Variants in CCDC32 observed in about 807,000 individuals in gnomAD.
CCDC32 encodes the protein coiled-coil domain-containing protein 32.
A neutral mutation model predicts 20.1 loss-of-function variants in CCDC32; 9 were observed. The observed-to-expected ratio is 0.45, with a 90% confidence interval of 0.27 to 0.78. The LOEUF is 0.78. Among genes scored for constraint, CCDC32 ranks in the 30% least tolerant of loss-of-function variants. CCDC32 has a pLI of 0.16. For synonymous variants in CCDC32, 63 were observed against 79.0 expected (o/e 0.80, Z 1.07); for missense variants, 204 against 215.5 (o/e 0.95, Z 0.33).
downstream of CCDC32, chr15:40,534,533 A>G (rs145153439): frequency 0.028 from 5,222 of 187,036 alleles, 300 homozygotes; most frequent in African/African-American, 0.12. Flanking sequence ...TTACTATCAC[A>G]AGAATAGCAT....
chr15:40,563,130 A>G, intron 1 of CCDC32, 103 bp from the exon 2 acceptor site: 1 of 1,367,904 alleles, frequency 7.3e-7, no homozygotes, highest in Non-Finnish European at 9.9e-7. Flanking sequence ...TGGGAAGCCG[A>G]GGCAGTCAGA....
At chr15:40,558,798 C>CT (rs1890422007) in intron 2 of CCDC32, among the ~76,000 whole-genome samples, 1 of 104,146 alleles carries the variant, frequency 9.6e-6, no homozygotes, top group Non-Finnish European at 2.1e-5. Context: ...TACACTTTTT[C>CT]TTTCTTTCTT....
intron 2 of CCDC32, among the ~76,000 whole-genome samples, chr15:40,559,704 A>G (rs899983499): frequency 1.3e-5 from 2 of 152,314 alleles, no homozygotes; most frequent in Non-Finnish European, 2.9e-5. Flanking sequence ...CTATCATGCA[A>G]GCTCTCTTCT....
intron 3 of CCDC32, among the ~76,000 whole-genome samples, chr15:40,542,345 T>C (rs971323775): frequency 6.6e-6 from 1 of 152,222 alleles, no homozygotes; most frequent in South Asian, 2.1e-4. Context: ...ACCGGGTCTC[T>C]CTTAAATCTC....
intron 3 of CCDC32, among the ~76,000 whole-genome samples, chr15:40,546,574 C>G (rs1889628433): frequency 6.6e-6 from 1 of 152,244 alleles, no homozygotes; most frequent in Middle Eastern, 3.4e-3. Context: ...CACCAGACCC[C>G]ATAGTAATTA....
chr15:40,528,345 A>AG (rs899899935), downstream of CCDC32, among the ~76,000 whole-genome samples: 1 of 152,218 alleles, frequency 6.6e-6, no homozygotes, highest in African/African-American at 2.4e-5. Context: ...GTAACAGCCC[A>AG]GGGGGTGGGG....
At position 40,553,553 on chromosome 15, in the gene CCDC32, T is replaced by G. The variant is rs560201049; in HGVS notation, c.*418A>C. 2 of 991,330 alleles carry G rather than the reference T, an allele frequency of 2.0e-6. No individual in the cohort carries two copies. The highest frequency in any genetic ancestry group is 2.2e-4 in the East Asian group (2 of 9,080). 61.4% of individuals were successfully genotyped at this position (991,330 alleles called of 1,614,324 possible). A position where few individuals can be genotyped will look rare whatever the true frequency, so the allele number is the denominator to read the frequency against. On this transcript the variant is annotated 3_prime_UTR_variant, in exon 4 of 4. Transcript: ENST00000416810. Reference sequence around the variant, plus strand: ...GGAATGCTTGGGACACAAGCATGAATGTCCGGAAGAGGCAAGAAAATATAT... The same window carrying G: ...GGAATGCTTGGGACACAAGCATGAAGGTCCGGAAGAGGCAAGAAAATATAT...
intron 3 of CCDC32, among the ~76,000 whole-genome samples, chr15:40,541,326 C>G (rs1889382044): frequency 7.8e-6 from 1 of 128,552 alleles, no homozygotes. Context: ...AAATTCTGAG[C>G]TGTAATATTT....
chr15:40,522,780 T>C, the CCDC32 span, among the ~76,000 whole-genome samples: 1 of 151,916 alleles, frequency 6.6e-6, no homozygotes, highest in Non-Finnish European at 1.5e-5. Flanking sequence ...TACGGACAGT[T>C]GCTCAGCATA....
At chr15:40,523,009 TAGAG>T in the CCDC32 span, among the ~76,000 whole-genome samples, 387 of 151,596 alleles carry the variant, frequency 2.6e-3, 1 homozygote, top group African/African-American at 9.0e-3. Context: ...GTATTTTTAG[TAGAG>T]AGTGTGTTTT....
downstream of CCDC32, among the ~76,000 whole-genome samples, chr15:40,548,448 T>C (rs953688410): frequency 6.6e-6 from 1 of 152,202 alleles, no homozygotes; most frequent in Middle Eastern, 3.2e-3. Context: ...GAAGCTTAGC[T>C]TATGGTGCAT....
chr15:40,540,993 A>G (rs1020514145), intron 3 of CCDC32, among the ~76,000 whole-genome samples: 4 of 152,194 alleles, frequency 2.6e-5, no homozygotes, highest in African/African-American at 9.7e-5. Flanking sequence ...ACACTGGGCC[A>G]CAGAGACCAA....
At chr15:40,542,667 G>A (rs190413142) in intron 3 of CCDC32, among the ~76,000 whole-genome samples, 73 of 152,208 alleles carry the variant, frequency 4.8e-4, no homozygotes, top group Non-Finnish European at 9.3e-4. Flanking sequence ...AGGAGATTGA[G>A]ACCATCCTGG....
intron 2 of CCDC32, among the ~76,000 whole-genome samples, chr15:40,561,497 C>CAA (rs143415563): frequency 1.0e-4 from 15 of 144,040 alleles, no homozygotes; most frequent in African/African-American, 3.8e-4. Context: ...AAACAACAAC[C>CAA]AAAAAAAAAA....
At chr15:40,545,554 T>A (rs1312566693) in intron 3 of CCDC32, among the ~76,000 whole-genome samples, 1 of 152,114 alleles carries the variant, frequency 6.6e-6, no homozygotes, top group Admixed American at 6.5e-5. Flanking sequence ...CTGCCACACA[T>A]TGACTAATAG....
At position 40,562,992 on chromosome 15, in the gene CCDC32, G is replaced by A; in HGVS notation, c.24C>T (p.Asp8=). The A allele has an allele frequency of 6.2e-7, 1 of 1,614,170 alleles. No homozygotes were observed. Residue 8 remains aspartate, a synonymous_variant, in exon 2 of 4, where the codon GAC becomes GAT. Coordinates refer to ENST00000416810, the MANE Select transcript of CCDC32 (RefSeq NM_001080792.4). MKMFESA[D]STATRSGQDL... is the part of the protein sequence containing the mutation. ...CCTGGCCAGATCTTGTGGCTGTAGA[G>A]TCAGCGCTCTCAAACATTTTCATTT...
downstream of CCDC32, chr15:40,552,800 C>T (rs1390824845): frequency 3.0e-5 from 2 of 66,822 alleles, no homozygotes; most frequent in Non-Finnish European, 7.6e-5. Flanking sequence ...AAAAAAAAAG[C>T]AAATGTTCTC....
Position 40,553,287 on chromosome 15 carries a change from G to A in CCDC32, c.*684C>T, listed in dbSNP as rs956534555. On this transcript the variant is annotated 3_prime_UTR_variant, in exon 4 of 4. Coordinates refer to ENST00000416810, the MANE Select transcript of CCDC32 (RefSeq NM_001080792.4). ...ACCTGGCCCTTTTTAAGTGCAGGAG[G>A]AAGTTGGAGGAGAAGCCATGCATGA... 1.0e-6 allele frequency: 1 copy of A among 985,336 alleles called. No homozygotes were observed. Among genetic ancestry groups the A allele is most frequent in the Non-Finnish European group, 1.2e-6 (1 of 829,968 alleles). 61.0% of individuals were successfully genotyped at this position (985,336 alleles called of 1,614,324 possible). A position where few individuals can be genotyped will look rare whatever the true frequency, so the allele number is the denominator to read the frequency against.
chr15:40,529,524 A>G (rs1428264394), intron 3 of CCDC32: 4 of 152,232 alleles, frequency 2.6e-5, no homozygotes, highest in South Asian at 2.1e-4. Context: ...TTCCTTGTAC[A>G]TTCAACTTTT....
Sources: allele counts gnomAD v4.1 joint callset (sites outside exome capture counted in the v4.1 genomes callset), GRCh38; gene constraint gnomAD v4.1.1; transcripts MANE v1.5; gene names NCBI Gene and HGNC (gene_info 2026-07-23, HGNC 2026-07-21).